The following MYLK2 variants were observed in gnomAD, a reference collection of about 807,000 sequenced individuals.
MYLK2 encodes the protein myosin light chain kinase 2, skeletal/cardiac muscle.
Under a neutral mutation model 58.2 loss-of-function variants are expected in MYLK2, and 27 were observed. The ratio of observed to expected loss-of-function variants is 0.46; its 90% confidence interval spans 0.34 to 0.64. MYLK2 has a LOEUF of 0.64. Among genes scored for constraint, MYLK2 ranks in the 30% least tolerant of loss-of-function variants. The pLI is 0.01. For synonymous variants in MYLK2, 310 were observed against 296.7 expected (o/e 1.04, Z -0.46); for missense variants, 676 against 764.3 (o/e 0.88, Z 1.36).
intron 8 of MYLK2, among the ~76,000 whole-genome samples, chr20:31,829,983 A>C (rs2062297628): frequency 6.6e-6 from 1 of 152,192 alleles, no homozygotes; most frequent in Admixed American, 6.5e-5. Flanking sequence ...CCTGGCCTGG[A>C]AGAGCCAACC....
rs770491714 is a variant in MYLK2, at chr20:31,826,759, AG to A, written c.1083-36del. 7.2e-5 allele frequency: 116 copies of A among 1,614,056 alleles called. No individual in the cohort carries two copies. In the African/African-American group the frequency reaches 1.4e-3, roughly 20 times the overall value. On this transcript the variant is annotated intron_variant, in intron 7 of 12. Coordinates refer to ENST00000375985, the MANE Select transcript of MYLK2 (RefSeq NM_033118.4). Reference sequence around the variant, plus strand: ...GTAGGGGCTGGGTGGGGGTACCACCAGGCACGGAGCAAGCCGTGGAGGGGTC... The same window carrying A: ...GTAGGGGCTGGGTGGGGGTACCACCAGCACGGAGCAAGCCGTGGAGGGGTC...
chr20:31,826,592 C>G lies in MYLK2; in HGVS notation c.973-13C>G. On this transcript the variant is annotated splice_polypyrimidine_tract_variant and intron_variant, in intron 6 of 12. Transcript: ENST00000375985. ...GGTGCCCAGCTGGTACCCTTGACTT[C>G]CCTGGTCCCCAGGAAATGGTGTTGC... The G allele has an allele frequency of 6.2e-7, 1 of 1,613,934 alleles. No homozygotes were observed. Among genetic ancestry groups the G allele is most frequent in the South Asian group, 1.1e-5 (1 of 91,056 alleles).
At position 31,826,464 on chromosome 20, in the gene MYLK2, G is replaced by A; in HGVS notation, c.973-141G>A. On this transcript the variant is annotated intron_variant, in intron 6 of 12. Coordinates refer to ENST00000375985, the MANE Select transcript of MYLK2 (RefSeq NM_033118.4). ...TGGTGAGGACCACAGATGTGGGGGT[G>A]GGGGAGAGAGGAGAGGCAAGGAGGA... 3 of 1,115,252 alleles carry A rather than the reference G, an allele frequency of 2.7e-6. No individual in the cohort carries two copies. In the South Asian group the frequency reaches 4.0e-5, roughly 15 times the overall value. The allele number at this position is 1,115,252 out of a possible 1,614,324, so 69.1% of individuals were successfully genotyped here.
chr20:31,825,936 T>C (rs1457702891), intron 6 of MYLK2, among the ~76,000 whole-genome samples: 2 of 152,118 alleles, frequency 1.3e-5, no homozygotes, highest in East Asian at 1.9e-4. Flanking sequence ...AAGGCAGTGG[T>C]GGAGGAGGTG....
At chr20:31,823,010 C>A (rs746833561) in intron 4 of MYLK2, among the ~76,000 whole-genome samples, 2 of 152,208 alleles carry the variant, frequency 1.3e-5, no homozygotes, top group Non-Finnish European at 2.9e-5. Context: ...CCAAACAGCA[C>A]GGTCCCCGGT....
intron 8 of MYLK2, among the ~76,000 whole-genome samples, chr20:31,830,251 G>C (rs1272764527): frequency 1.3e-5 from 2 of 152,192 alleles, no homozygotes; most frequent in African/African-American, 4.8e-5. Flanking sequence ...AAGGACTGGG[G>C]AGCTAAAGTG....
chr20:31,822,178 G>C (rs775635560), intron 4 of MYLK2, among the ~76,000 whole-genome samples: 17 of 152,058 alleles, frequency 1.1e-4, no homozygotes, highest in Admixed American at 5.9e-4. Context: ...GTGAAGACAG[G>C]ATTTGAACCT....
chr20:31,831,172 G>T (rs754380169), intron 10 of MYLK2, 31 bp downstream of exon 10: 1 of 1,613,904 alleles, frequency 6.2e-7, no homozygotes, highest in East Asian at 2.2e-5. Context: ...TGTTTATGGG[G>T]TTGGTGGGGC....
In MYLK2 at chr20:31,832,129, G is replaced by A. The variant is rs374538961; in HGVS notation, c.1703G>A (p.Arg568His). The A allele has an allele frequency of 4.3e-6, 7 of 1,609,686 alleles. No individual in the cohort carries two copies. Among genetic ancestry groups the A allele is most frequent in the East Asian group, 4.5e-5 (2 of 44,780 alleles). ...ILLKKYLMKR[R>H]WKKNFIAVSA... ...CTTAAGAAATACCTCATGAAGAGGC[G>A]CTGGAAGGTACCGCTGGATTCAGGG... The change falls in exon 12 of 13, where the codon CGC becomes CAC. Residue 568 changes from arginine to histidine, a missense_variant. By Grantham distance (29) the Arg-to-His change is conservative. Coordinates refer to ENST00000375985, the MANE Select transcript of MYLK2 (RefSeq NM_033118.4).
intron 1 of MYLK2, 52 bp downstream of exon 1, chr20:31,819,480 C>T: frequency 1.4e-6 from 2 of 1,477,496 alleles, no homozygotes; most frequent in Non-Finnish European, 1.8e-6. Flanking sequence ...TCACTGCAGC[C>T]AGACGAGAGG....
Position 31,821,504 on chromosome 20 carries a change from C to G in MYLK2, c.539C>G (p.Pro180Arg). ...TCAGAGCTCACCTTTGAAGGGGTGC[C>G]CATGACCCACAGCCCCACGGATCCC... ...EASELTFEGV[P>R]MTHSPTDPRP... The change falls in exon 4 of 13, where the codon CCC becomes CGC. Residue 180 changes from proline to arginine, a missense_variant. By Grantham distance (103) the Pro-to-Arg change is moderately radical. This residue lies in a region of MYLK2 where 306 missense variants were observed against 296.5 expected (regional missense o/e 1.03). Coordinates refer to ENST00000375985, the MANE Select transcript of MYLK2 (RefSeq NM_033118.4). 6.2e-7 allele frequency: 1 copy of G among 1,614,000 alleles called. No individual in the cohort carries two copies. The highest frequency in any genetic ancestry group is 8.5e-7 in the Non-Finnish European group (1 of 1,180,046).
rs776601770 is a variant in MYLK2 at position 31,826,849 on chromosome 20, A to G, written c.1135A>G (p.Thr379Ala). ...GATTGTGGATGAGGACTACCATCTG[A>G]CCGAGGTGGACACCATGGTGTTTGT... Reference protein sequence around the residue: ...ERIVDEDYHLTEVDTMVFVRQ... With the variant: ...ERIVDEDYHLAEVDTMVFVRQ... Residue 379 changes from threonine to alanine, a missense_variant, in exon 8 of 13, where the codon ACC becomes GCC. Coordinates refer to ENST00000375985, the MANE Select transcript of MYLK2 (RefSeq NM_033118.4). 6.2e-7 allele frequency: 1 copy of G among 1,614,074 alleles called. No individual in the cohort carries two copies. Among genetic ancestry groups the G allele is most frequent in the South Asian group, 1.1e-5 (1 of 91,066 alleles).
At position 31,820,168 on chromosome 20, in the gene MYLK2, C is replaced by T. The variant is rs2062244368; in HGVS notation, c.95C>T (p.Ala32Val). Reference sequence around the variant, plus strand: ...CCCACAGGTGAAAGACCCCTGGCTGCAGGGAAAGACCCTGGCCCCCCAGAC... The same window carrying T: ...CCCACAGGTGAAAGACCCCTGGCTGTAGGGAAAGACCCTGGCCCCCCAGAC... ...KGPTGERPLA[A>V]GKDPGPPDPK... Residue 32 changes from alanine (A) to valine (V), a missense_variant, in exon 3 of 13, where the codon GCA (alanine) becomes GTA (valine). Transcript: ENST00000375985. 1.2e-6 allele frequency: 2 copies of T among 1,613,860 alleles called. No homozygotes were observed. Among genetic ancestry groups the T allele is most frequent in the African/African-American group, 2.7e-5 (2 of 74,922 alleles).
chr20:31,831,986 A>G lies in MYLK2; in HGVS notation c.1578-18A>G. On this transcript the variant is annotated intron_variant, in intron 11 of 12. Coordinates refer to ENST00000375985, the MANE Select transcript of MYLK2 (RefSeq NM_033118.4). Reference sequence around the variant, plus strand: ...CACGAGCATGCAGCCCACCGTCACCATGCTGCCTCTCCCCCAGGGCCCGGA... The same window carrying G: ...CACGAGCATGCAGCCCACCGTCACCGTGCTGCCTCTCCCCCAGGGCCCGGA... 6.2e-7 allele frequency: 1 copy of G among 1,611,966 alleles called. No individual in the cohort carries two copies. The highest frequency in any genetic ancestry group is 1.1e-5 in the South Asian group (1 of 90,810).
At chr20:31,833,580 C>CGTG in intron 12 of MYLK2, 137 bp from the exon 13 acceptor site, 2 of 772,568 alleles carry the variant, frequency 2.6e-6, no homozygotes, top group African/African-American at 1.7e-5. Flanking sequence ...TGGCGCCTCC[C>CGTG]GTGGCCATTT....
intron 4 of MYLK2, among the ~76,000 whole-genome samples, chr20:31,823,008 C>G (rs929611989): frequency 6.6e-6 from 1 of 152,114 alleles, no homozygotes; most frequent in East Asian, 1.9e-4. Flanking sequence ...CACCAAACAG[C>G]ACGGTCCCCG....
At position 31,819,609 on chromosome 20, in the gene MYLK2, T is replaced by C; in HGVS notation, c.29T>C (p.Leu10Pro). 1 of 1,551,586 alleles carries C rather than the reference T, an allele frequency of 6.4e-7. No individual in the cohort carries two copies. The change falls in exon 2 of 13, where the codon CTG becomes CCG. Residue 10 changes from leucine to proline, a missense_variant. Around this residue, in one of 2 missense-constraint regions of MYLK2, gnomAD observed 306 missense variants for 296.5 expected, o/e 1.03. Transcript: ENST00000375985. ...GCGACAGAAAATGGAGCAGTTGAGCTGGGAATTCAGAACCCATCAACAGGT... is the reference window on the plus strand; with the variant it reads ...GCGACAGAAAATGGAGCAGTTGAGCCGGGAATTCAGAACCCATCAACAGGT... Reference protein sequence around the residue: MATENGAVELGIQNPSTDKA... With the variant: MATENGAVEPGIQNPSTDKA...
Position 31,820,534 on chromosome 20 carries a change from C to T in MYLK2, c.461C>T (p.Ala154Val). ...PAFLHSPSCP[A>V]IISSSEKLLA... ...TTTCTGCATAGCCCCAGCTGTCCTG[C>T]CATCATCTCCAGGTGAATATCCCCT... Residue 154 changes from alanine (A) to valine (V), a missense_variant, in exon 3 of 13, where the codon GCC (alanine) becomes GTC (valine). Physicochemically the swap from Ala to Val is moderately conservative, Grantham distance 64. Around this residue, in one of 2 missense-constraint regions of MYLK2, gnomAD observed 306 missense variants for 296.5 expected, o/e 1.03. Coordinates refer to ENST00000375985, the MANE Select transcript of MYLK2 (RefSeq NM_033118.4). The T allele has an allele frequency of 6.2e-7, 1 of 1,600,984 alleles. No homozygotes were observed. Among genetic ancestry groups the T allele is most frequent in the South Asian group, 1.1e-5 (1 of 91,078 alleles).
At chr20:31,821,874 T>C in intron 4 of MYLK2, 137 bp downstream of exon 4, 1 of 698,702 alleles carries the variant, frequency 1.4e-6, no homozygotes, top group Admixed American at 3.0e-5. Context: ...CATCTAAGGG[T>C]CACACAACTC....
Sources: gnomAD v4.1 joint callset for allele counts (sites outside exome capture counted in the v4.1 genomes callset) on GRCh38, gnomAD v4.1.1 for gene constraint, gnomAD v4.1.1 regional missense constraint, MANE v1.5 for transcripts, NCBI Gene and HGNC (gene_info 2026-07-23, HGNC 2026-07-21) for gene names.